CSGALNACT1: variants seen among roughly 807,000 people sequenced by gnomAD.
CSGALNACT1 encodes the protein beta4GalNAcT-1.
Under a neutral mutation model 51.0 loss-of-function variants are expected in CSGALNACT1, and 52 were observed. The ratio of observed to expected loss-of-function variants is 1.02; its 90% CI spans 0.82 to 1.29. The LOEUF (loss-of-function observed/expected upper bound fraction) is 1.29. CSGALNACT1 is among the 50% of genes most tolerant of loss of function. The pLI is 0.00. For missense variants in CSGALNACT1, 935 were observed against 679.2 expected (o/e 1.38, Z -4.19); for synonymous variants, 341 against 254.4 (o/e 1.34, Z -3.24).
At chr8:19,616,522 A>C (rs931357904) in intron 1 of CSGALNACT1, among the ~76,000 whole-genome samples, 1 of 152,118 alleles carries the variant, frequency 6.6e-6, no homozygotes, top group African/African-American at 2.4e-5. Context: ...TGCGCCCCCA[A>C]ATCTCATGTT....
intron 4 of CSGALNACT1, among the ~76,000 whole-genome samples, chr8:19,481,230 C>G (rs900275298): frequency 6.6e-6 from 1 of 152,050 alleles, no homozygotes; most frequent in Non-Finnish European, 1.5e-5. Flanking sequence ...TCCTGAATGC[C>G]TTGTGCCCAT....
At chr8:19,461,721 C>T (rs943986853) in intron 4 of CSGALNACT1, among the ~76,000 whole-genome samples, 9 of 151,782 alleles carry the variant, frequency 5.9e-5, no homozygotes, top group Non-Finnish European at 1.5e-5. Context: ...ACACATTCAC[C>T]ATGGAGGGCG....
chr8:19,503,031 T>C (rs563072474), intron 4 of CSGALNACT1, among the ~76,000 whole-genome samples: 2 of 152,346 alleles, frequency 1.3e-5, no homozygotes, highest in South Asian at 4.1e-4. Flanking sequence ...TGCAGCTTCC[T>C]CTGACTAGTA....
At chr8:19,583,785 T>G (rs116717005) in intron 3 of CSGALNACT1, among the ~76,000 whole-genome samples, 4,954 of 152,276 alleles carry the variant, frequency 0.033, 288 homozygotes, top group African/African-American at 0.11. Flanking sequence ...ACTTTGGGGT[T>G]GGAACTGCCA....
At chr8:19,580,175 T>C (rs1379554231) in intron 3 of CSGALNACT1, among the ~76,000 whole-genome samples, 1 of 152,058 alleles carries the variant, frequency 6.6e-6, no homozygotes, top group Non-Finnish European at 1.5e-5. Context: ...AAAAATGAAA[T>C]CTAGGACTTC....
chr8:19,516,091 T>A (rs1367099786), intron 3 of CSGALNACT1, among the ~76,000 whole-genome samples: 1 of 152,176 alleles, frequency 6.6e-6, no homozygotes, highest in Non-Finnish European at 1.5e-5. Flanking sequence ...GAGAACCGCA[T>A]GAAACCAGCC....
chr8:19,426,766 G>A (rs1416166780), intron 6 of CSGALNACT1, among the ~76,000 whole-genome samples: 1 of 152,088 alleles, frequency 6.6e-6, no homozygotes, highest in African/African-American at 2.4e-5. Flanking sequence ...GTTTCTACAG[G>A]AGATTTAATT....
chr8:19,626,107 A>C (rs1024287331), intron 1 of CSGALNACT1, among the ~76,000 whole-genome samples: 1 of 152,226 alleles, frequency 6.6e-6, no homozygotes, highest in Non-Finnish European at 1.5e-5. Flanking sequence ...AGAACTAAAA[A>C]GTTAAAACAA....
At chr8:19,589,453 G>A (rs1375784966) in intron 3 of CSGALNACT1, among the ~76,000 whole-genome samples, 2 of 152,154 alleles carry the variant, frequency 1.3e-5, no homozygotes, top group African/African-American at 4.8e-5. Context: ...AGCCTCCTGA[G>A]TAGCTGGTAC....
rs71205945 is a variant in CSGALNACT1, at chr8:19,755,456, C to CAAAAAAAAAAAAAAAAAAAAAAAAAA, written c.-297+2393_-297+2394insTTTTTTTTTTTTTTTTTTTTTTTTTT. Among the ~76,000 whole-genome samples the CAAAAAAAAAAAAAAAAAAAAAAAAAA allele has an allele frequency of 2.0e-3, 151 of 74,516 alleles. 18 individuals are homozygous for CAAAAAAAAAAAAAAAAAAAAAAAAAA. Among genetic ancestry groups the CAAAAAAAAAAAAAAAAAAAAAAAAAA allele is most frequent in the East Asian group, 0.011 (19 of 1,714 alleles). 48.9% of individuals were successfully genotyped at this position (74,516 alleles called of 152,430 possible). A position where few individuals can be genotyped will look rare whatever the true frequency, so the allele number is the denominator to read the frequency against. Reference sequence around the variant, plus strand: ...GGGGATCCCTAAATGTAAAGAAAGACAAAAAAAAAAAAAAAAAAAAAAAAA... The same window carrying CAAAAAAAAAAAAAAAAAAAAAAAAAA: ...GGGGATCCCTAAATGTAAAGAAAGACAAAAAAAAAAAAAAAAAAAAAAAAAAAAAAAAAAAAAAAAAAAAAAAAAAA... On this transcript the variant is annotated intron_variant, in intron 1 of 1. Transcript: ENST00000517494.
chr8:19,721,780 T>C (rs1486870367), intron 1 of CSGALNACT1, among the ~76,000 whole-genome samples: 1 of 152,246 alleles, frequency 6.6e-6, no homozygotes, highest in Non-Finnish European at 1.5e-5. Context: ...CTGCACGATA[T>C]ATGCAAATTA....
At chr8:19,690,714 G>A (rs1480462313) in intron 1 of CSGALNACT1, among the ~76,000 whole-genome samples, 1 of 152,208 alleles carries the variant, frequency 6.6e-6, no homozygotes. Flanking sequence ...TTAATAATAT[G>A]TGATTGAAAC....
chr8:19,482,060 T>G (rs532093573), intron 4 of CSGALNACT1, among the ~76,000 whole-genome samples: 1 of 152,138 alleles, frequency 6.6e-6, no homozygotes, highest in Non-Finnish European at 1.5e-5. Context: ...ATGACTCCGA[T>G]TAAATACACA....
intron 1 of CSGALNACT1, among the ~76,000 whole-genome samples, chr8:19,610,992 C>A (rs1479955336): frequency 6.6e-6 from 1 of 152,202 alleles, no homozygotes; most frequent in Admixed American, 6.5e-5. Flanking sequence ...TCTGTATGCC[C>A]CTCTAGAGCT....
intron 3 of CSGALNACT1, among the ~76,000 whole-genome samples, chr8:19,536,377 A>G (rs887620179): frequency 1.3e-5 from 2 of 152,222 alleles, no homozygotes; most frequent in African/African-American, 4.8e-5. Context: ...ACACATAGCA[A>G]TCAACATATG....
intron 8 of CSGALNACT1, among the ~76,000 whole-genome samples, chr8:19,414,535 A>C (rs550337831): frequency 5.3e-5 from 8 of 152,328 alleles, no homozygotes; most frequent in Admixed American, 3.3e-4. Flanking sequence ...AGTTTCACTT[A>C]ATATGAATTA....
rs965265286 is a variant in CSGALNACT1 at position 19,518,843 on chromosome 8, G to C, written c.-296-12713C>G. 1.4e-4 allele frequency among the ~76,000 whole-genome samples: 21 copies of C among 152,174 alleles called. 1 individual carries two copies. The highest frequency in any genetic ancestry group is 1.9e-4 in the Non-Finnish European group (13 of 68,026). On this transcript the variant is annotated intron_variant, in intron 3 of 9. Coordinates refer to ENST00000454498, the Ensembl canonical transcript of CSGALNACT1. ...AGCCACAAGGCACGATCAGAGGTGTGAATCACCACACTCTGTGTTGGGAAG... is the reference window on the plus strand; with the variant it reads ...AGCCACAAGGCACGATCAGAGGTGTCAATCACCACACTCTGTGTTGGGAAG...
At chr8:19,635,948 T>C (rs2055995749) in intron 1 of CSGALNACT1, among the ~76,000 whole-genome samples, 1 of 152,188 alleles carries the variant, frequency 6.6e-6, no homozygotes, top group South Asian at 2.1e-4. Context: ...CAGGCTGGTC[T>C]CGAACTCCTG....
intron 4 of CSGALNACT1, among the ~76,000 whole-genome samples, chr8:19,478,015 G>A (rs75606524): frequency 0.015 from 2,291 of 152,240 alleles, 54 homozygotes; most frequent in African/African-American, 0.053. Flanking sequence ...ACAAGCTTGA[G>A]AACTATTAGA....
Sources: gnomAD v4.1 joint callset for allele counts (sites outside exome capture counted in the v4.1 genomes callset) on GRCh38, gnomAD v4.1.1 for gene constraint, MANE v1.5 for transcripts, NCBI Gene and HGNC (gene_info 2026-07-23, HGNC 2026-07-21) for gene names.